PIK3C2G: variants seen among roughly 807,000 people sequenced by gnomAD.
PIK3C2G encodes phosphatidylinositol 3-kinase C2 domain-containing subunit gamma.
A neutral mutation model predicts 181.1 loss-of-function variants in PIK3C2G; 168 were observed. That is an observed-to-expected ratio of 0.93 (90% CI 0.82 to 1.05). The LOEUF is 1.05. Ranked by LOEUF, PIK3C2G falls within the 50% of genes least tolerant of loss-of-function variation. PIK3C2G has a pLI of 0.00. For missense variants in PIK3C2G, 1,869 were observed against 1,732.8 expected, an observed-to-expected ratio of 1.08 and a Z score of -1.40; for synonymous variants, 573 against 592.2, an observed-to-expected ratio of 0.97 and a Z score of 0.47.
the PIK3C2G span, among the ~76,000 whole-genome samples, chr12:18,712,347 G>A: frequency 3.5e-4 from 53 of 152,152 alleles, no homozygotes; most frequent in Non-Finnish European, 5.1e-4. Flanking sequence ...TAACTATATC[G>A]TTGAATCTGT....
intron 30 of PIK3C2G, among the ~76,000 whole-genome samples, chr12:18,602,872 A>T (rs116268957): frequency 0.011 from 1,731 of 152,258 alleles, 40 homozygotes; most frequent in African/African-American, 0.04. Context: ...AATCTGAACA[A>T]CATCCTTCAG....
the PIK3C2G span, chr12:18,695,205 G>A: frequency 6.6e-6 from 6 of 911,982 alleles, no homozygotes; most frequent in African/African-American, 8.5e-5. Flanking sequence ...AGTATCATTA[G>A]CCTAATAATT....
chr12:18,287,404 T>C (rs1446229471), intron 3 of PIK3C2G, among the ~76,000 whole-genome samples: 2 of 152,206 alleles, frequency 1.3e-5, no homozygotes, highest in Non-Finnish European at 2.9e-5. Flanking sequence ...ATTTGATCAC[T>C]GGCAGATATT....
chr12:18,419,393 A>G (rs1478311847), intron 16 of PIK3C2G, among the ~76,000 whole-genome samples: 1 of 152,202 alleles, frequency 6.6e-6, no homozygotes, highest in Non-Finnish European at 1.5e-5. Context: ...CCAAGACTTC[A>G]AACTGTCCTC....
At chr12:18,716,682 T>A in the PIK3C2G span, among the ~76,000 whole-genome samples, 2 of 152,226 alleles carry the variant, frequency 1.3e-5, no homozygotes, top group African/African-American at 4.8e-5. Context: ...CTTTGTGGTA[T>A]GAAATTTCCA....
intron 24 of PIK3C2G, among the ~76,000 whole-genome samples, chr12:18,528,812 C>T (rs902193804): frequency 6.6e-6 from 1 of 152,062 alleles, no homozygotes; most frequent in African/African-American, 2.4e-5. Context: ...AATCAAGTGC[C>T]CTGTAGCATG....
intron 32 of PIK3C2G, among the ~76,000 whole-genome samples, chr12:18,643,741 C>T (rs1949965216): frequency 6.6e-6 from 1 of 151,914 alleles, no homozygotes; most frequent in Non-Finnish European, 1.5e-5. Context: ...TACCAATAAG[C>T]CCAGTGCTTA....
chr12:18,654,751 A>G, the PIK3C2G span, among the ~76,000 whole-genome samples: 2 of 152,140 alleles, frequency 1.3e-5, no homozygotes, highest in African/African-American at 4.8e-5. Flanking sequence ...GGACTTTCCT[A>G]CTCATAAGGA....
chr12:18,650,293 TTCTC>T (rs140285960), downstream of PIK3C2G, among the ~76,000 whole-genome samples: 4,572 of 87,320 alleles, frequency 0.052, 111 homozygotes, highest in East Asian at 0.12. Flanking sequence ...TAACCCAAAT[TTCTC>T]TCTCTCTCTC....
chr12:18,383,562 A>G (rs1942975751), intron 14 of PIK3C2G, among the ~76,000 whole-genome samples: 1 of 152,250 alleles, frequency 6.6e-6, no homozygotes, highest in South Asian at 2.1e-4. Context: ...TGCACAATGC[A>G]AACACACAGA....
intron 14 of PIK3C2G, among the ~76,000 whole-genome samples, chr12:18,388,679 T>A (rs889623532): frequency 6.6e-6 from 1 of 152,130 alleles, no homozygotes; most frequent in Non-Finnish European, 1.5e-5. Context: ...ACCTTATGGG[T>A]ATGGTTGTGG....
intron 13 of PIK3C2G, among the ~76,000 whole-genome samples, chr12:18,378,752 C>A (rs2137940438): frequency 6.6e-6 from 1 of 152,314 alleles, no homozygotes; most frequent in Non-Finnish European, 1.5e-5. Flanking sequence ...AGCCAAAACA[C>A]ACATGAAAAA....
chr12:18,669,001 T>A, the PIK3C2G span, among the ~76,000 whole-genome samples: 3 of 152,178 alleles, frequency 2.0e-5, no homozygotes, highest in Non-Finnish European at 4.4e-5. Context: ...TTTCCCCCGC[T>A]GAGCAAAAGC....
chr12:18,397,607 T>C (rs1943973836), intron 15 of PIK3C2G, among the ~76,000 whole-genome samples: 1 of 152,032 alleles, frequency 6.6e-6, no homozygotes, highest in Non-Finnish European at 1.5e-5. Context: ...GATAACATTG[T>C]AAAGACAGAC....
At chr12:18,485,137 T>C (rs1483006623) in intron 18 of PIK3C2G, among the ~76,000 whole-genome samples, 4 of 152,136 alleles carry the variant, frequency 2.6e-5, no homozygotes, top group Non-Finnish European at 5.9e-5. Flanking sequence ...TATCCTGCTG[T>C]TGAAAACTAA....
chr12:18,568,561 A>G (rs771951990), intron 29 of PIK3C2G, among the ~76,000 whole-genome samples: 2 of 152,126 alleles, frequency 1.3e-5, no homozygotes, highest in Non-Finnish European at 2.9e-5. Context: ...GTCCCAAGAC[A>G]TTCTGCTCAG....
chr12:18,614,949 ATAAT>A, intron 31 of PIK3C2G, among the ~76,000 whole-genome samples: 1 of 152,056 alleles, frequency 6.6e-6, no homozygotes, highest in South Asian at 2.1e-4. Flanking sequence ...AAACTTCTCT[ATAAT>A]TACTTTTCTT....
chr12:18,354,526 C>T (rs1010129881), intron 11 of PIK3C2G, among the ~76,000 whole-genome samples: 1 of 152,192 alleles, frequency 6.6e-6, no homozygotes, highest in African/African-American at 2.4e-5. Context: ...TCTGGATTGC[C>T]CTGCAAGGTA....
chr12:18,358,634 C>T (rs565951708), intron 11 of PIK3C2G: 5 of 484,916 alleles, frequency 1.0e-5, no homozygotes, highest in Non-Finnish European at 2.1e-5. Flanking sequence ...AAAAAAATTC[C>T]TATCCTCAGC....
Sources: allele counts gnomAD v4.1 joint callset (sites outside exome capture counted in the v4.1 genomes callset), GRCh38; gene constraint gnomAD v4.1.1; transcripts MANE v1.5; gene names NCBI Gene and HGNC (gene_info 2026-07-23, HGNC 2026-07-21).